The following ST6GAL1 variants were observed in gnomAD, a reference collection of about 807,000 sequenced individuals.
ST6GAL1 encodes ST6 beta-galactoside alpha-2,6-sialyltransferase 1.
Under a neutral mutation model 38.0 loss-of-function variants are expected in ST6GAL1, and 20 were observed. The ratio of observed to expected loss-of-function variants is 0.53; its 90% CI spans 0.37 to 0.77. The LOEUF is 0.77. Ranked by LOEUF, ST6GAL1 falls within the 30% of genes least tolerant of loss-of-function variation. ST6GAL1 has a pLI of 0.00. For missense variants in ST6GAL1, 432 were observed against 496.4 expected, an observed-to-expected ratio of 0.87 and a Z score of 1.23; for synonymous variants, 196 against 188.2, an observed-to-expected ratio of 1.04 and a Z score of -0.34.
chr3:187,060,440 C>T (rs1341229706), intron 5 of ST6GAL1, among the ~76,000 whole-genome samples: 2 of 152,170 alleles, frequency 1.3e-5, no homozygotes, highest in Non-Finnish European at 2.9e-5. Flanking sequence ...GGATTACAGG[C>T]GTGAGCCACC....
chr3:187,039,120 T>G (rs2268536), intron 3 of ST6GAL1, among the ~76,000 whole-genome samples: 29,119 of 152,194 alleles, frequency 0.19, 3,304 homozygotes, highest in African/African-American at 0.31. Context: ...TGTATTTCAG[T>G]CAACCATTCT....
At chr3:186,998,470 A>G (rs1219213318) in intron 2 of ST6GAL1, among the ~76,000 whole-genome samples, 1 of 152,222 alleles carries the variant, frequency 6.6e-6, no homozygotes, top group Non-Finnish European at 1.5e-5. Flanking sequence ...GTGGATCCTC[A>G]TAAAGGTCTT....
chr3:187,047,050 A>G (rs982684728), intron 4 of ST6GAL1, among the ~76,000 whole-genome samples: 13 of 152,110 alleles, frequency 8.5e-5, no homozygotes, highest in African/African-American at 2.4e-4. Context: ...GGTTCATGCC[A>G]TTCTCCTGCC....
chr3:187,009,112 C>T (rs1716875780), intron 2 of ST6GAL1, among the ~76,000 whole-genome samples: 1 of 150,550 alleles, frequency 6.6e-6, no homozygotes, highest in African/African-American at 2.4e-5. Flanking sequence ...CTTACCTCCC[C>T]TCTTTCTTCC....
intron 5 of ST6GAL1, among the ~76,000 whole-genome samples, chr3:187,065,109 C>T (rs1224132723): frequency 6.6e-6 from 1 of 151,914 alleles, no homozygotes; most frequent in Non-Finnish European, 1.5e-5. Flanking sequence ...AGTGATTCCC[C>T]TGCCTCGGTC....
At chr3:186,989,299 A>C (rs1267893713) in intron 2 of ST6GAL1, among the ~76,000 whole-genome samples, 1 of 152,224 alleles carries the variant, frequency 6.6e-6, no homozygotes, top group Admixed American at 6.5e-5. Flanking sequence ...AAAAGAACAG[A>C]CGTTTGTTAG....
chr3:186,987,656 C>T (rs565707636), intron 2 of ST6GAL1, among the ~76,000 whole-genome samples: 10 of 152,086 alleles, frequency 6.6e-5, no homozygotes, highest in East Asian at 5.8e-4. Context: ...CAAGATCTTA[C>T]GGAGATGGGA....
At chr3:187,062,764 C>T (rs1285993601) in intron 5 of ST6GAL1, among the ~76,000 whole-genome samples, 1 of 152,108 alleles carries the variant, frequency 6.6e-6, no homozygotes, top group Admixed American at 6.6e-5. Context: ...TACTTAATAT[C>T]ACTGAACTGT....
intron 1 of ST6GAL1, among the ~76,000 whole-genome samples, chr3:186,939,422 C>T (rs1021306739): frequency 6.6e-6 from 1 of 152,096 alleles, no homozygotes; most frequent in Non-Finnish European, 1.5e-5. Flanking sequence ...GGAGGCCTTG[C>T]TGTGTCACAA....
At chr3:187,052,005 C>T (rs879284281) in intron 5 of ST6GAL1, among the ~76,000 whole-genome samples, 2 of 152,162 alleles carry the variant, frequency 1.3e-5, no homozygotes, top group Non-Finnish European at 2.9e-5. Flanking sequence ...CTGCCCATCT[C>T]ACAACCACCA....
chr3:186,982,942 G>A (rs565068376), intron 2 of ST6GAL1, among the ~76,000 whole-genome samples: 9 of 151,834 alleles, frequency 5.9e-5, no homozygotes, highest in East Asian at 3.9e-4. Context: ...TCGTCCTCCC[G>A]AAGTGCTGGG....
intron 4 of ST6GAL1, among the ~76,000 whole-genome samples, chr3:187,048,175 C>T (rs1446708957): frequency 3.9e-5 from 6 of 152,090 alleles, no homozygotes; most frequent in Admixed American, 1.3e-4. Context: ...GATCTCCTGA[C>T]CTCGTGATCT....
At chr3:187,039,182 G>C (rs2108577736) in intron 3 of ST6GAL1, among the ~76,000 whole-genome samples, 1 of 152,284 alleles carries the variant, frequency 6.6e-6, no homozygotes, top group African/African-American at 2.4e-5. Context: ...TGTCATGACG[G>C]GTGGGTCGGG....
chr3:186,931,774 T>C (rs917691473), intron 1 of ST6GAL1, among the ~76,000 whole-genome samples: 4 of 152,214 alleles, frequency 2.6e-5, no homozygotes, highest in African/African-American at 7.2e-5. Flanking sequence ...CACTAGCCCC[T>C]TTTGGCTTGT....
In ST6GAL1 at chr3:187,043,021, C is replaced by G; in HGVS notation, c.318C>G (p.Ile106Met). The G allele has an allele frequency of 6.2e-7, 1 of 1,614,188 alleles. No homozygotes were observed. Among genetic ancestry groups the G allele is most frequent in the Non-Finnish European group, 8.5e-7 (1 of 1,180,040 alleles). The change falls in exon 4 of 8, where the codon ATC (isoleucine) becomes ATG (methionine). Residue 106 changes from isoleucine (I) to methionine (M), a missense_variant. Ile to Met is a conservative substitution (Grantham distance 10). Coordinates refer to ENST00000169298, the MANE Select transcript of ST6GAL1 (RefSeq NM_173216.2). ...WNKDSSSKNL[I>M]PRLQKIWKNY... ...AGGACAGCTCTTCCAAAAACCTTAT[C>G]CCTAGGCTGCAAAAGATCTGGAAGA... is the stretch of plus-strand genomic sequence containing the variant.
intron 2 of ST6GAL1, among the ~76,000 whole-genome samples, chr3:187,024,293 A>C (rs1179959425): frequency 6.6e-6 from 1 of 151,398 alleles, no homozygotes; most frequent in Non-Finnish European, 1.5e-5. Flanking sequence ...CGGGGGTTTC[A>C]CCATGTTAGC....
chr3:187,022,193 A>C (rs1717338016), intron 2 of ST6GAL1, among the ~76,000 whole-genome samples: 1 of 152,216 alleles, frequency 6.6e-6, no homozygotes, highest in East Asian at 1.9e-4. Flanking sequence ...ATTTCCAGGT[A>C]GATAGTGTTG....
chr3:187,053,988 G>A (rs1364911098), intron 5 of ST6GAL1, among the ~76,000 whole-genome samples: 8 of 152,036 alleles, frequency 5.3e-5, no homozygotes, highest in East Asian at 1.9e-4. Flanking sequence ...GCAGTGGTTT[G>A]TAGTTCTTGT....
At chr3:187,061,694 C>T (rs73055060) in intron 5 of ST6GAL1, among the ~76,000 whole-genome samples, 15,138 of 152,022 alleles carry the variant, frequency 0.1, 2,514 homozygotes, top group African/African-American at 0.34. Flanking sequence ...GGACCCTTAC[C>T]TAACACCAAA....
Sources: gnomAD v4.1 joint callset for allele counts (sites outside exome capture counted in the v4.1 genomes callset) on GRCh38, gnomAD v4.1.1 for gene constraint, MANE v1.5 for transcripts, NCBI Gene and HGNC (gene_info 2026-07-23, HGNC 2026-07-21) for gene names.